TBXAS1: variants seen among roughly 807,000 people sequenced by gnomAD.
TBXAS1 encodes thromboxane-A synthase.
TBXAS1 carries 48 observed loss-of-function variants against 60.7 expected under a neutral mutation model. The observed-to-expected ratio is 0.79, with a 90% CI of 0.63 to 1.01. The LOEUF is 1.01. Among genes scored for constraint, TBXAS1 ranks in the 50% least tolerant of loss-of-function variants. The pLI is 0.00. For synonymous variants in TBXAS1, 287 were observed against 269.7 expected (o/e 1.06, Z -0.63); for missense variants, 685 against 686.3 (o/e 1.00, Z 0.02).
rs542932265 is a variant in TBXAS1 at position 140,018,791 on chromosome 7, T to C, written c.1527+958T>C. 5.9e-5 allele frequency among the ~76,000 whole-genome samples: 9 copies of C among 152,368 alleles called. No individual in the cohort carries two copies. In the South Asian group the frequency reaches 8.3e-4, roughly 14 times the overall value. On this transcript the variant is annotated intron_variant, in intron 12 of 12. Transcript: ENST00000448866. ...GTCTGTCATATTCATTGTTGGACTT[T>C]CCAGCATCTAGCTTAATGCCAGGCG...
chr7:140,011,252 G>A (rs2116423658), intron 10 of TBXAS1, among the ~76,000 whole-genome samples: 1 of 148,640 alleles, frequency 6.7e-6, no homozygotes, highest in South Asian at 2.2e-4. Context: ...ACTCCACCCT[G>A]GGCGGCAGAG....
chr7:139,991,312 C>T (rs1812881799), intron 9 of TBXAS1, among the ~76,000 whole-genome samples: 1 of 151,504 alleles, frequency 6.6e-6, no homozygotes, highest in Admixed American at 6.6e-5. Flanking sequence ...GGTCCGTGAC[C>T]CCCACGATGC....
chr7:139,928,633 T>C (rs1807070900), intron 4 of TBXAS1, among the ~76,000 whole-genome samples: 1 of 151,984 alleles, frequency 6.6e-6, no homozygotes, highest in Non-Finnish European at 1.5e-5. Context: ...TCTATTTGAT[T>C]CCAGATTAAT....
intron 4 of TBXAS1, among the ~76,000 whole-genome samples, chr7:139,800,846 A>G (rs893084031): frequency 6.6e-6 from 1 of 152,200 alleles, no homozygotes; most frequent in Admixed American, 6.5e-5. Context: ...ATCAGTTATC[A>G]ATTGCTTACT....
intron 8 of TBXAS1, 50 bp from the exon 9 acceptor site, chr7:139,961,869 C>A: frequency 6.2e-7 from 1 of 1,611,170 alleles, no homozygotes; most frequent in South Asian, 1.1e-5. Context: ...AAGCCTCACT[C>A]TTCATGACTG....
intron 9 of TBXAS1, among the ~76,000 whole-genome samples, chr7:139,992,930 G>A (rs1026871975): frequency 6.6e-6 from 1 of 152,196 alleles, no homozygotes; most frequent in East Asian, 1.9e-4. Context: ...CAGCACTTTG[G>A]GAGGCCGAGG....
intron 10 of TBXAS1, 59 bp downstream of exon 10, chr7:140,007,241 C>A: frequency 6.7e-7 from 1 of 1,501,460 alleles, no homozygotes; most frequent in Non-Finnish European, 9.3e-7. Context: ...CCCCCTGCCC[C>A]AGCCTGCAGG....
chr7:139,883,563 A>G (rs145742839), intron 3 of TBXAS1, among the ~76,000 whole-genome samples: 102 of 152,326 alleles, frequency 6.7e-4, no homozygotes, highest in African/African-American at 2.3e-3. Context: ...GGGTAGAAGC[A>G]TCCAACAGGG....
At chr7:139,914,854 A>AT (rs917303995) in intron 4 of TBXAS1, among the ~76,000 whole-genome samples, 1 of 151,926 alleles carries the variant, frequency 6.6e-6, no homozygotes, top group Non-Finnish European at 1.5e-5. Flanking sequence ...TGTATCTTGT[A>AT]TTTTTTTTAA....
intron 4 of TBXAS1, among the ~76,000 whole-genome samples, chr7:139,813,974 C>A (rs1392601649): frequency 6.6e-6 from 1 of 152,132 alleles, no homozygotes; most frequent in Non-Finnish European, 1.5e-5. Context: ...ATTTTTCTGG[C>A]CCTTTTGGAT....
chr7:139,997,499 A>T (rs769231515), intron 9 of TBXAS1, among the ~76,000 whole-genome samples: 94 of 152,158 alleles, frequency 6.2e-4, no homozygotes, highest in Admixed American at 2.3e-3. Flanking sequence ...GTGTCTGATA[A>T]TTGGGGCAAT....
chr7:140,014,187 A>T (rs1814840265), intron 10 of TBXAS1, among the ~76,000 whole-genome samples: 1 of 152,194 alleles, frequency 6.6e-6, no homozygotes. Flanking sequence ...TGGCAGTAAA[A>T]CTGGAGAGAT....
chr7:139,952,710 A>G (rs1809513046), intron 5 of TBXAS1: 2 of 1,506,388 alleles, frequency 1.3e-6, no homozygotes, highest in Non-Finnish European at 1.8e-6. Flanking sequence ...ATTTTCTAAC[A>G]TAAAAGTATT....
chr7:139,858,384 T>C (rs17161175), intron 1 of TBXAS1, among the ~76,000 whole-genome samples: 6,922 of 152,306 alleles, frequency 0.045, 388 homozygotes, highest in African/African-American at 0.14. Flanking sequence ...AGACCATTTA[T>C]CGTTTTTTAA....
At chr7:139,790,933 G>T (rs999735242) in intron 4 of TBXAS1, among the ~76,000 whole-genome samples, 1 of 152,162 alleles carries the variant, frequency 6.6e-6, no homozygotes, top group African/African-American at 2.4e-5. Context: ...CTCCTGAGTA[G>T]CTGGGACTAC....
chr7:140,018,072 T>C (rs1815242777), intron 12 of TBXAS1, among the ~76,000 whole-genome samples: 1 of 152,198 alleles, frequency 6.6e-6, no homozygotes, highest in African/African-American at 2.4e-5. Flanking sequence ...AGCGCTCAGG[T>C]AAGCCCTGGC....
At chr7:139,946,204 T>C (rs1808701080) in intron 5 of TBXAS1, among the ~76,000 whole-genome samples, 1 of 152,162 alleles carries the variant, frequency 6.6e-6, no homozygotes, top group Non-Finnish European at 1.5e-5. Context: ...TGTGGTTGTG[T>C]GTGTCTGTAG....
intron 1 of TBXAS1, among the ~76,000 whole-genome samples, chr7:139,869,947 G>A (rs1045878896): frequency 6.6e-6 from 1 of 152,204 alleles, no homozygotes; most frequent in South Asian, 2.1e-4. Flanking sequence ...TGGAACCCAT[G>A]TTGCTATTTT....
At position 140,013,332 on chromosome 7, in the gene TBXAS1, G is replaced by A. The variant is rs1013794834; in HGVS notation, c.1227-2391G>A. ...TTGGTTCAGAGGTTTATCTTCCTCG[G>A]CAAGAATTTTCTGGAGCAGAGAGGA... On this transcript the variant is annotated intron_variant, in intron 10 of 12. Transcript: ENST00000448866. This position sits in a 1 kb window ranked among gnomAD's most constrained non-coding sequence, Gnocchi z 4.2. Among the ~76,000 whole-genome samples the A allele has an allele frequency of 2.0e-5, 3 of 152,188 alleles. No individual in the cohort carries two copies. The highest frequency in any genetic ancestry group is 1.3e-4 in the Admixed American group (2 of 15,284).
Sources: gnomAD v4.1 joint callset for allele counts (sites outside exome capture counted in the v4.1 genomes callset) on GRCh38, gnomAD v4.1.1 for gene constraint, Gnocchi (gnomAD v3.1) non-coding constraint, MANE v1.5 for transcripts, NCBI Gene and HGNC (gene_info 2026-07-23, HGNC 2026-07-21) for gene names.